HECTD4: variants seen among roughly 807,000 people sequenced by gnomAD.
HECTD4 encodes HECT domain E3 ubiquitin protein ligase 4, also known as probable E3 ubiquitin-protein ligase HECTD4.
A neutral mutation model predicts 471.5 loss-of-function variants in HECTD4; 114 were observed. The observed-to-expected ratio is 0.24, with a 90% confidence interval of 0.21 to 0.28. The LOEUF (loss-of-function observed/expected upper bound fraction) is 0.28. HECTD4 is among the 10% of genes least tolerant of loss of function. The pLI, the probability that HECTD4 is intolerant of heterozygous loss-of-function variation, is 1.00. For missense variants in HECTD4, 3,866 were observed against 5,651.5 expected (o/e 0.68, Z 10.13); for synonymous variants, 2,012 against 2,256.0 (o/e 0.89, Z 3.07).
chr12:112,371,886 C>CAAAAAAAAA (rs535844706), intron 1 of HECTD4, among the ~76,000 whole-genome samples: 10 of 57,238 alleles, frequency 1.7e-4, no homozygotes, highest in South Asian at 6.2e-4. Context: ...AACTCTGTCT[C>CAAAAAAAAA]AAAAAAAAAA....
intron 13 of HECTD4, 35 bp downstream of exon 13, chr12:112,269,669 T>G: frequency 6.2e-7 from 1 of 1,610,578 alleles, no homozygotes; most frequent in Non-Finnish European, 8.5e-7. Context: ...AGAATCATTT[T>G]GCAGAGAGCA....
rs1454991610 is a variant in HECTD4, at chr12:112,381,778, G to A, written c.177+174C>T. 6.6e-6 allele frequency among the ~76,000 whole-genome samples: 1 copy of A among 151,924 alleles called. No homozygotes were observed. The highest frequency in any genetic ancestry group is 6.6e-5 in the Admixed American group (1 of 15,264). ...GGAGGGAGGGAGGGAGAGCGGGGCGGGCGGTCCGCAGACCTGCGGCCGCGG... is the reference window on the plus strand; with the variant it reads ...GGAGGGAGGGAGGGAGAGCGGGGCGAGCGGTCCGCAGACCTGCGGCCGCGG... On this transcript the variant is annotated intron_variant, in intron 1 of 75. Coordinates refer to ENST00000682272, the MANE Select transcript of HECTD4 (RefSeq NM_001388303.1). The surrounding 1 kb of genome is among the most constrained non-coding windows in gnomAD (Gnocchi z 4.1).
At chr12:112,178,881 C>A (rs2031560774) in intron 64 of HECTD4, 50 bp downstream of exon 64, 1 of 1,560,716 alleles carries the variant, frequency 6.4e-7, no homozygotes, top group Non-Finnish European at 8.7e-7. Context: ...CGGAGGCCTC[C>A]CCCACATCTG....
At chr12:112,300,593 T>C in intron 7 of HECTD4, among the ~76,000 whole-genome samples, 1 of 152,180 alleles carries the variant, frequency 6.6e-6, no homozygotes, top group East Asian at 1.9e-4. Flanking sequence ...AAGTCTTTCC[T>C]GTATTGTTTC....
intron 1 of HECTD4, among the ~76,000 whole-genome samples, chr12:112,342,372 G>A (rs960644663): frequency 5.3e-5 from 8 of 152,130 alleles, no homozygotes; most frequent in Admixed American, 5.2e-4. Flanking sequence ...TGGGAGGATC[G>A]CTTGAGCCTA....
At chr12:112,290,871 A>AAAAAAC in intron 7 of HECTD4, among the ~76,000 whole-genome samples, 1 of 151,498 alleles carries the variant, frequency 6.6e-6, no homozygotes, top group African/African-American at 2.4e-5. Context: ...AACAAAAAAA[A>AAAAAAC]AAAACAAATC....
intron 6 of HECTD4, 123 bp from the exon 7 acceptor site, chr12:112,306,357 A>T: frequency 1.3e-6 from 1 of 784,534 alleles, no homozygotes; most frequent in Non-Finnish European, 1.8e-6. Context: ...GGTCAAAATA[A>T]AATGGATATT....
At chr12:112,324,020 TCCTTCCTTCCTTCCTTCCTTCCTTC>T (rs2035667486) in intron 1 of HECTD4, among the ~76,000 whole-genome samples, 1 of 51,772 alleles carries the variant, frequency 1.9e-5, no homozygotes. Context: ...CTTCCTTCCT[TCCTTCCTTCCTTCCTTCCTTCCTTC>T]CTTTCTTTCT....
chr12:112,230,583 A>C (rs2033355669), intron 40 of HECTD4, 104 bp downstream of exon 40: 3 of 1,393,060 alleles, frequency 2.2e-6, no homozygotes, highest in Non-Finnish European at 2.9e-6. Flanking sequence ...TATCTGATGA[A>C]TTTGGAAAAT....
chr12:112,297,233 G>A lies in HECTD4; in HGVS notation c.1335+8831C>T, dbSNP rs190420988. ...TGTAGATGCAGTGGATGTAGGTGCA[G>A]AGGATGTAAGTGCAGCAAGTGGTAA... On this transcript the variant is annotated intron_variant, in intron 7 of 75. Coordinates refer to ENST00000682272, the MANE Select transcript of HECTD4 (RefSeq NM_001388303.1). Among the ~76,000 whole-genome samples, 21 of 148,812 alleles carry A rather than the reference G, an allele frequency of 1.4e-4. No homozygotes were observed. In the East Asian group the frequency reaches 2.7e-3, roughly 19 times the overall value.
Position 112,193,413 on chromosome 12 carries a change from G to T in HECTD4, c.8955+56C>A. 1 of 1,499,732 alleles carries T rather than the reference G, an allele frequency of 6.7e-7. No individual in the cohort carries two copies. Among genetic ancestry groups the T allele is most frequent in the East Asian group, 2.4e-5 (1 of 41,814 alleles). The allele number at this position is 1,499,732 out of a possible 1,614,324, so 92.9% of individuals were successfully genotyped here. A position where few individuals can be genotyped will look rare whatever the true frequency, so the allele number is the denominator to read the frequency against. On this transcript the variant is annotated intron_variant, in intron 57 of 75. Coordinates refer to ENST00000682272, the MANE Select transcript of HECTD4 (RefSeq NM_001388303.1). The surrounding 1 kb of genome is among the most constrained non-coding windows in gnomAD (Gnocchi z 5.2). ...GGAGTCATTTTCAGCAAGCCAGTGAGACTCCCAGTTAAAAATGGTAACCAC... is the reference window on the plus strand; with the variant it reads ...GGAGTCATTTTCAGCAAGCCAGTGATACTCCCAGTTAAAAATGGTAACCAC...
At chr12:112,206,529 T>C (rs2032587448) in intron 52 of HECTD4, among the ~76,000 whole-genome samples, 2 of 147,122 alleles carry the variant, frequency 1.4e-5, no homozygotes, top group South Asian at 4.4e-4. Flanking sequence ...GTTGATAGAA[T>C]CTGCTTTTTT....
chr12:112,283,781 C>T (rs1223724087), intron 7 of HECTD4, among the ~76,000 whole-genome samples: 1 of 152,188 alleles, frequency 6.6e-6, no homozygotes, highest in Non-Finnish European at 1.5e-5. Flanking sequence ...CTGGACAAAG[C>T]CAGACTTTGC....
At chr12:112,262,515 C>CA (rs758273849) in intron 17 of HECTD4, among the ~76,000 whole-genome samples, 6,844 of 19,668 alleles carry the variant, frequency 0.35, 2,522 homozygotes, top group South Asian at 0.55. Flanking sequence ...GACTCCATCT[C>CA]AAAAAAAAAA....
intron 67 of HECTD4, among the ~76,000 whole-genome samples, chr12:112,172,325 T>A (rs2031256224): frequency 6.6e-6 from 1 of 152,262 alleles, no homozygotes; most frequent in Admixed American, 6.5e-5. Context: ...CTGCAAGTTA[T>A]CAGACTATAA....
intron 2 of HECTD4, among the ~76,000 whole-genome samples, chr12:112,316,717 A>C (rs2035487938): frequency 6.6e-6 from 1 of 152,182 alleles, no homozygotes; most frequent in Non-Finnish European, 1.5e-5. Context: ...GGGAAGGGTT[A>C]CTTTGTCTTT....
chr12:112,366,493 T>G (rs1402760785), intron 1 of HECTD4, among the ~76,000 whole-genome samples: 1 of 152,098 alleles, frequency 6.6e-6, no homozygotes, highest in Admixed American at 6.6e-5. Flanking sequence ...GTACTCAGCC[T>G]GGACAACAAA....
At chr12:112,365,135 A>T (rs1212635587) in intron 1 of HECTD4, among the ~76,000 whole-genome samples, 1 of 152,274 alleles carries the variant, frequency 6.6e-6, no homozygotes, top group Non-Finnish European at 1.5e-5. Flanking sequence ...AATATTTTCC[A>T]GAAGCCATGT....
chr12:112,266,048 TA>T, intron 14 of HECTD4, 65 bp from the exon 15 acceptor site: 1 of 1,171,490 alleles, frequency 8.5e-7, no homozygotes, highest in South Asian at 1.3e-5. Flanking sequence ...ATGCTATTTT[TA>T]AAAAGTTTTT....
Sources: allele counts gnomAD v4.1 joint callset (sites outside exome capture counted in the v4.1 genomes callset), GRCh38; gene constraint gnomAD v4.1.1; non-coding constraint Gnocchi (gnomAD v3.1); transcripts MANE v1.5; gene names NCBI Gene and HGNC (gene_info 2026-07-23, HGNC 2026-07-21).